PPFIA1: variants seen among roughly 807,000 people sequenced by gnomAD.
The protein encoded by PPFIA1 is liprin-alpha-1.
In PPFIA1, 25 loss-of-function variants were observed where a neutral mutation model predicts 149.9. The ratio of observed to expected loss-of-function variants is 0.17; its 90% confidence interval spans 0.12 to 0.23. PPFIA1 has a LOEUF of 0.23. Among genes scored for constraint, PPFIA1 ranks in the 10% least tolerant of loss-of-function variants. The pLI is 1.00. For synonymous variants in PPFIA1, 549 were observed against 552.8 expected, an observed-to-expected ratio of 0.99 and a Z score of 0.10; for missense variants, 1,362 against 1,506.5, an observed-to-expected ratio of 0.90 and a Z score of 1.59.
Position 70,310,690 on chromosome 11 carries a change from A to G in PPFIA1, c.265-13712A>G, listed in dbSNP as rs1191325757. ...TGAGCCACCACACCCGGCCCCATGTACTTTTCTAAAAGCACTAAGGGCTTT... is the reference window on the plus strand; with the variant it reads ...TGAGCCACCACACCCGGCCCCATGTGCTTTTCTAAAAGCACTAAGGGCTTT... On this transcript the variant is annotated intron_variant, in intron 2 of 27. Coordinates refer to ENST00000253925, the MANE Select transcript of PPFIA1 (RefSeq NM_003626.5). Among the ~76,000 whole-genome samples, 14 of 152,060 alleles carry G rather than the reference A, an allele frequency of 9.2e-5. No homozygotes were observed. In the East Asian group the frequency reaches 2.7e-3, roughly 29 times the overall value.
At chr11:70,334,018 G>A (rs890232493) in intron 10 of PPFIA1, among the ~76,000 whole-genome samples, 5 of 152,162 alleles carry the variant, frequency 3.3e-5, no homozygotes, top group African/African-American at 1.2e-4. Flanking sequence ...ACATAATGGC[G>A]TGTTGGAATG....
intron 2 of PPFIA1, among the ~76,000 whole-genome samples, chr11:70,276,741 A>G (rs559631857): frequency 2.0e-5 from 3 of 152,080 alleles, no homozygotes; most frequent in Non-Finnish European, 2.9e-5. Flanking sequence ...GTCTATTTAG[A>G]TAAAGCATTT....
chr11:70,358,415 G>T lies in PPFIA1; in HGVS notation c.2582+2161G>T, dbSNP rs148948728. On this transcript the variant is annotated intron_variant, in intron 19 of 27. Coordinates refer to ENST00000253925, the MANE Select transcript of PPFIA1 (RefSeq NM_003626.5). ...TTTTTGAATTTTTAGTAGAGATGGG[G>T]TTTCACCATGTTGGCCAGGCTTGTT... 340 of 152,260 alleles carry T rather than the reference G, an allele frequency of 2.2e-3. 3 individuals carry two copies. The highest frequency in any genetic ancestry group is 7.9e-3 in the African/African-American group (328 of 41,532). 9.4% of individuals were successfully genotyped at this position (152,260 alleles called of 1,614,324 possible). A position where few individuals can be genotyped will look rare whatever the true frequency, so the allele number is the denominator to read the frequency against.
At chr11:70,320,581 G>A (rs947126860) in intron 2 of PPFIA1, among the ~76,000 whole-genome samples, 1 of 151,826 alleles carries the variant, frequency 6.6e-6, no homozygotes, top group African/African-American at 2.4e-5. Context: ...TCTACGCATG[G>A]TGTGTGCCAC....
intron 2 of PPFIA1, chr11:70,279,410 T>TG (rs1174184017): frequency 1.2e-5 from 2 of 171,988 alleles, no homozygotes; most frequent in Non-Finnish European, 2.5e-5. Context: ...CTGCCTCTGG[T>TG]GGCTTGTAAC....
chr11:70,316,992 A>G (rs1407640344), intron 2 of PPFIA1, among the ~76,000 whole-genome samples: 1 of 152,250 alleles, frequency 6.6e-6, no homozygotes, highest in Non-Finnish European at 1.5e-5. Flanking sequence ...GATAATGTCA[A>G]ATAGAAATAC....
rs770919807 is a variant in PPFIA1, at chr11:70,378,110, G to T, written c.3465G>T (p.Gly1155=). The stretch of plus-strand genomic sequence containing the variant: ...AGGACATTCGTGGCTTAGCTGCTGG[G>T]TCAGCAGAGACTCTCCCTGCAAACT... ...RPKDIRGLAA[G]SAETLPANFR... is the part of the protein sequence containing the mutation. The change falls in exon 26 of 28, where the codon GGG becomes GGT. Residue 1155 remains glycine (G), a synonymous_variant. Transcript: ENST00000253925. 6.2e-7 allele frequency: 1 copy of T among 1,614,142 alleles called. No homozygotes were observed. Among genetic ancestry groups the T allele is most frequent in the Non-Finnish European group, 8.5e-7 (1 of 1,180,024 alleles).
chr11:70,317,017 C>T (rs1037902896), intron 2 of PPFIA1, among the ~76,000 whole-genome samples: 2 of 152,162 alleles, frequency 1.3e-5, no homozygotes, highest in Admixed American at 6.5e-5. Context: ...TTGCATTCTT[C>T]AGATTTATAT....
intron 17 of PPFIA1, among the ~76,000 whole-genome samples, chr11:70,355,367 G>A (rs2137355852): frequency 6.6e-6 from 1 of 152,318 alleles, no homozygotes; most frequent in African/African-American, 2.4e-5. Flanking sequence ...TGGAGGGGAA[G>A]CAGGCAGACC....
In PPFIA1 at chr11:70,382,081, G is replaced by GA; in HGVS notation, c.3551-4dup. On this transcript the variant is annotated splice_region_variant and splice_polypyrimidine_tract_variant and intron_variant, in intron 26 of 27. Transcript: ENST00000253925. Reference sequence around the variant, plus strand: ...TTGCACGCTTCCTCTCGTGGCTGTTGAAACAGGCAATGTATCAGGAACACA... The same window carrying GA: ...TTGCACGCTTCCTCTCGTGGCTGTTGAAAACAGGCAATGTATCAGGAACACA... 1 of 1,613,910 alleles carries GA rather than the reference G, an allele frequency of 6.2e-7. No individual in the cohort carries two copies. The highest frequency in any genetic ancestry group is 8.5e-7 in the Non-Finnish European group (1 of 1,179,910).
chr11:70,278,717 A>G (rs2050565078), intron 2 of PPFIA1, among the ~76,000 whole-genome samples: 1 of 152,264 alleles, frequency 6.6e-6, no homozygotes, highest in African/African-American at 2.4e-5. Flanking sequence ...TTGAAGCCAC[A>G]GTAACAAATA....
intron 2 of PPFIA1, among the ~76,000 whole-genome samples, chr11:70,275,013 G>A (rs958170997): frequency 4.6e-5 from 7 of 152,222 alleles, no homozygotes; most frequent in African/African-American, 1.7e-4. Context: ...TTCAGCCTCA[G>A]TAGAGAGTGC....
chr11:70,339,352 A>C, intron 14 of PPFIA1, 46 bp downstream of exon 14: 2 of 1,576,900 alleles, frequency 1.3e-6, no homozygotes, highest in Non-Finnish European at 1.7e-6. Flanking sequence ...AAAGTTACCT[A>C]CTTATCCCGT....
chr11:70,355,789 T>A lies in PPFIA1; in HGVS notation c.2466T>A (p.Thr822=), dbSNP rs753049351. The change falls in exon 18 of 28, where the codon ACT becomes ACA. Residue 822 remains threonine (T), a synonymous_variant. Coordinates refer to ENST00000253925, the MANE Select transcript of PPFIA1 (RefSeq NM_003626.5). ...GKKEKGRPGQ[T]GKEALGQAGV... ...AAGAAAAGGGCCGACCTGGACAAAC[T>A]GGCAAAGAAGCATTAGGACAAGGTT... is the stretch of plus-strand genomic sequence containing the variant. 6.2e-7 allele frequency: 1 copy of A among 1,612,464 alleles called. No homozygotes were observed. The highest frequency in any genetic ancestry group is 8.5e-7 in the Non-Finnish European group (1 of 1,179,554).
At chr11:70,311,895 A>G (rs192009049) in intron 2 of PPFIA1, among the ~76,000 whole-genome samples, 1 of 136,248 alleles carries the variant, frequency 7.3e-6, no homozygotes, top group African/African-American at 2.9e-5. Context: ...CCAGGCTGGA[A>G]TAGAGTGGTG....
chr11:70,310,324 C>G (rs1369982736), intron 2 of PPFIA1, among the ~76,000 whole-genome samples: 1 of 151,970 alleles, frequency 6.6e-6, no homozygotes, highest in Non-Finnish European at 1.5e-5. Flanking sequence ...AATGCACCCT[C>G]CTTAGTTGCT....
chr11:70,355,264 G>GTA (rs2056297250), intron 17 of PPFIA1, among the ~76,000 whole-genome samples: 1 of 152,164 alleles, frequency 6.6e-6, no homozygotes, highest in Non-Finnish European at 1.5e-5. Flanking sequence ...GGGGAGGCAT[G>GTA]TATATTAATT....
intron 23 of PPFIA1, among the ~76,000 whole-genome samples, chr11:70,373,049 TGAA>T (rs1372898726): frequency 2.0e-5 from 3 of 152,234 alleles, no homozygotes; most frequent in East Asian, 3.9e-4. Context: ...AGCTGGTCCT[TGAA>T]GAAGGAGGAG....
chr11:70,278,971 C>T, intron 2 of PPFIA1: 2 of 608,942 alleles, frequency 3.3e-6, no homozygotes, highest in East Asian at 3.9e-5. Context: ...TGTGGAATGA[C>T]ACCTTTACCA....
Sources: gnomAD v4.1 joint callset for allele counts (sites outside exome capture counted in the v4.1 genomes callset) on GRCh38, gnomAD v4.1.1 for gene constraint, MANE v1.5 for transcripts, NCBI Gene and HGNC (gene_info 2026-07-23, HGNC 2026-07-21) for gene names.